The following DICER1 variants were observed in gnomAD, a reference collection of about 807,000 sequenced individuals.
The protein encoded by DICER1 is dicer 1, ribonuclease III.
Under a neutral mutation model 194.1 loss-of-function variants are expected in DICER1, and 43 were observed. That is an observed-to-expected ratio of 0.22 (90% CI 0.17 to 0.29). DICER1 has a LOEUF of 0.29. Among genes scored for constraint, DICER1 ranks in the 10% least tolerant of loss-of-function variants. DICER1 has a pLI of 1.00. For synonymous variants in DICER1, 832 were observed against 820.5 expected, an observed-to-expected ratio of 1.01 and a Z score of -0.24; for missense variants, 1,608 against 2,317.0, an observed-to-expected ratio of 0.69 and a Z score of 6.28.
In DICER1 at chr14:95,105,739, G is replaced by A. The variant is rs772243498; in HGVS notation, c.3032C>T (p.Ala1011Val). 77 of 1,614,046 alleles carry A rather than the reference G, an allele frequency of 4.8e-5. No individual in the cohort carries two copies. Among genetic ancestry groups the A allele is most frequent in the Non-Finnish European group, 6.2e-5 (73 of 1,180,022 alleles). Reference sequence around the variant, plus strand: ...CTTCTCAGCACTGCTTAAAGGAAGCGCTTTCCCCTTCTGATTCAAATGTCG... The same window carrying A: ...CTTCTCAGCACTGCTTAAAGGAAGCACTTTCCCCTTCTGATTCAAATGTCG... ...TPRHLNQKGK[A>V]LPLSSAEKRK... is the part of the protein sequence containing the mutation. The change falls in exon 19 of 27, where the codon GCG becomes GTG. Residue 1011 changes from alanine to valine, a missense_variant. By Grantham distance (64) the Ala-to-Val change is moderately conservative. This residue lies in a region of DICER1 where 79 missense variants were observed against 176.1 expected (regional missense o/e 0.45). Transcript: ENST00000343455. The surrounding 1 kb of genome is among the most constrained non-coding windows in gnomAD (Gnocchi z 4.9).
intron 1 of DICER1, among the ~76,000 whole-genome samples, chr14:95,155,318 C>T (rs1895777985): frequency 6.6e-6 from 1 of 152,212 alleles, no homozygotes; most frequent in African/African-American, 2.4e-5. Flanking sequence ...AAGTGAGAGA[C>T]TGTCTACGAA....
Position 95,091,370 on chromosome 14 carries a change from T to C in DICER1, c.5365-5A>G, listed in dbSNP as rs2139780112. 2 of 1,614,010 alleles carry C rather than the reference T, an allele frequency of 1.2e-6. No homozygotes were observed. The highest frequency in any genetic ancestry group is 1.7e-6 in the Non-Finnish European group (2 of 1,179,968). ...ATCCTCCTCAGATCTCCTAAGCTAT[T>C]ACAGAGGGAAAAGTGACTTGTAAGC... On this transcript the variant is annotated splice_polypyrimidine_tract_variant and splice_region_variant and intron_variant, in intron 24 of 26. Coordinates refer to ENST00000343455, the MANE Select transcript of DICER1 (RefSeq NM_177438.3).
In DICER1 at chr14:95,087,526, A is replaced by G; in HGVS notation, c.*2972T>C. 4.3e-6 allele frequency: 1 copy of G among 233,146 alleles called. No homozygotes were observed. Among genetic ancestry groups the G allele is most frequent in the East Asian group, 6.0e-5 (1 of 16,534 alleles). The allele number at this position is 233,146 out of a possible 1,614,324, so 14.4% of individuals were successfully genotyped here. A position where few individuals can be genotyped will look rare whatever the true frequency, so the allele number is the denominator to read the frequency against. ...AATTCCATAAATCAAAACAGCAGCA[A>G]GGCCAAACCACATTTTTTTCCTCTC... is the stretch of plus-strand genomic sequence containing the variant. On this transcript the variant is annotated 3_prime_UTR_variant, in exon 27 of 27. Coordinates refer to ENST00000343455, the MANE Select transcript of DICER1 (RefSeq NM_177438.3).
chr14:95,111,758 T>C (rs1384236719), intron 13 of DICER1, among the ~76,000 whole-genome samples: 1 of 149,418 alleles, frequency 6.7e-6, no homozygotes, highest in East Asian at 2.0e-4. Context: ...GGTCCACTTA[T>C]ACAGGAGCAG....
intron 23 of DICER1, 90 bp from the exon 24 acceptor site, chr14:95,094,246 T>G: frequency 6.7e-7 from 1 of 1,486,670 alleles, no homozygotes; most frequent in Non-Finnish European, 9.3e-7. Flanking sequence ...CGAAGAAGAT[T>G]TGTATTTACA....
Position 95,088,290 on chromosome 14 carries a change from T to C in DICER1, c.*2208A>G, listed in dbSNP as rs1889500385. ...AAGGTTACAAATATATTGAGGCATT[T>C]TTCTCCCACTGGGAATCATAACTGT... On this transcript the variant is annotated 3_prime_UTR_variant, in exon 27 of 27. Transcript: ENST00000343455. The C allele has an allele frequency of 1.7e-5, 4 of 232,108 alleles. No homozygotes were observed. Among genetic ancestry groups the C allele is most frequent in the Non-Finnish European group, 3.4e-5 (4 of 117,184 alleles). The allele number at this position is 232,108 out of a possible 1,614,324, so 14.4% of individuals were successfully genotyped here. A position where few individuals can be genotyped will look rare whatever the true frequency, so the allele number is the denominator to read the frequency against.
intron 1 of DICER1, among the ~76,000 whole-genome samples, chr14:95,143,182 C>CT (rs1442162941): frequency 3.3e-5 from 5 of 152,148 alleles, no homozygotes; most frequent in Non-Finnish European, 7.3e-5. Flanking sequence ...GTATGAAGCA[C>CT]TTTAAGTTCC....
chr14:95,097,445 A>C (rs1465084266), intron 22 of DICER1, among the ~76,000 whole-genome samples: 1 of 152,248 alleles, frequency 6.6e-6, no homozygotes, highest in East Asian at 1.9e-4. Context: ...AAATGGAAGA[A>C]AATTTAGACT....
At chr14:95,131,922 A>AG (rs1893985606) in intron 3 of DICER1, among the ~76,000 whole-genome samples, 2 of 152,188 alleles carry the variant, frequency 1.3e-5, no homozygotes, top group Non-Finnish European at 2.9e-5. Flanking sequence ...TGTTTTCTTC[A>AG]ATAAAATCAG....
In DICER1 at chr14:95,116,599, G is replaced by A. The variant is rs1007754435; in HGVS notation, c.1606C>T (p.Arg536Cys). ...CGATATTCTGTGGGCAAATCAAAAC[G>A]AACCACCAAGTTGCATTTTGGTATA... The part of the protein sequence containing the change: ...VDIPKCNLVV[R>C]FDLPTEYRSY... The change falls in exon 10 of 27, where the codon CGT (arginine) becomes TGT (cysteine). Residue 536 changes from arginine to cysteine, a missense_variant. Around this residue, in one of 10 missense-constraint regions of DICER1, gnomAD observed 657 missense variants for 910.1 expected, o/e 0.72. Coordinates refer to ENST00000343455, the MANE Select transcript of DICER1 (RefSeq NM_177438.3). 5 of 1,613,336 alleles carry A rather than the reference G, an allele frequency of 3.1e-6. No individual in the cohort carries two copies. Among genetic ancestry groups the A allele is most frequent in the African/African-American group, 1.3e-5 (1 of 74,696 alleles).
Position 95,129,455 on chromosome 14 carries a change from C to A in DICER1, c.734+17G>T. On this transcript the variant is annotated intron_variant, in intron 6 of 26. Coordinates refer to ENST00000343455, the MANE Select transcript of DICER1 (RefSeq NM_177438.3). ...TCAACTAATCTCATTAAAGCTGAGTCAATCAGAAGTGCATACCTGTCTAAG... is the reference window on the plus strand; with the variant it reads ...TCAACTAATCTCATTAAAGCTGAGTAAATCAGAAGTGCATACCTGTCTAAG... The A allele has an allele frequency of 6.2e-7, 1 of 1,612,320 alleles. No individual in the cohort carries two copies. The highest frequency in any genetic ancestry group is 1.1e-5 in the South Asian group (1 of 91,010).
intron 1 of DICER1, among the ~76,000 whole-genome samples, chr14:95,140,223 A>G (rs1027685995): frequency 3.3e-5 from 5 of 152,192 alleles, no homozygotes; most frequent in African/African-American, 1.2e-4. Context: ...TAGTTTCCAC[A>G]TATTATGCAC....
Position 95,157,501 on chromosome 14 carries a change from C to G in DICER1, c.-317G>C, listed in dbSNP as rs1262116230. On this transcript the variant is annotated 5_prime_UTR_variant, in exon 1 of 27. Transcript: ENST00000343455. ...GCAGCCAGCGCACGGCCCGCGGCAA[C>G]GGCGCACAGCCGCTTGGAGAATCCC... 6.6e-6 allele frequency: 1 copy of G among 152,302 alleles called. No homozygotes were observed. The highest frequency in any genetic ancestry group is 1.5e-5 in the Non-Finnish European group (1 of 68,120). The allele number at this position is 152,302 out of a possible 1,614,324, so 9.4% of individuals were successfully genotyped here.
chr14:95,125,730 GGGGAGGGGAGGAAGACA>G (rs1436846464), intron 7 of DICER1, among the ~76,000 whole-genome samples: 2 of 62,202 alleles, frequency 3.2e-5, no homozygotes, highest in Non-Finnish European at 6.6e-5. Flanking sequence ...GGAGGAAGAG[GGGGAGGGGAGGAAGACA>G]GGGAGGGGAG....
intron 6 of DICER1, 164 bp downstream of exon 6, chr14:95,129,308 C>CA (rs1893744180): frequency 1.6e-6 from 1 of 632,224 alleles, no homozygotes; most frequent in East Asian, 2.8e-5. Context: ...TTCTTGAACT[C>CA]ACAGGTAATG....
intron 11 of DICER1, among the ~76,000 whole-genome samples, chr14:95,114,904 C>G (rs1892302672): frequency 6.6e-6 from 1 of 152,122 alleles, no homozygotes; most frequent in African/African-American, 2.4e-5. Context: ...TATCTATCTT[C>G]CAAAGTTTCA....
intron 14 of DICER1, among the ~76,000 whole-genome samples, chr14:95,109,791 A>C (rs1291212834): frequency 6.6e-6 from 1 of 152,226 alleles, no homozygotes; most frequent in Non-Finnish European, 1.5e-5. Context: ...GTCCCCGCTT[A>C]TCTGCAGCCT....
At chr14:95,130,306 G>C in intron 4 of DICER1, 114 bp from the exon 5 acceptor site, 9 of 1,035,466 alleles carry the variant, frequency 8.7e-6, no homozygotes, top group Non-Finnish European at 1.3e-5. Flanking sequence ...GAATTCATTA[G>C]TCAAAATTAA....
chr14:95,116,799 GCTC>G (rs1197348831), intron 9 of DICER1, 104 bp from the exon 10 acceptor site: 1 of 1,167,396 alleles, frequency 8.6e-7, no homozygotes, highest in Non-Finnish European at 1.3e-6. Flanking sequence ...TGACACACAT[GCTC>G]TTGGGCATTC....
Sources: gnomAD v4.1 joint callset for allele counts (sites outside exome capture counted in the v4.1 genomes callset) on GRCh38, gnomAD v4.1.1 for gene constraint, gnomAD v4.1.1 regional missense constraint, Gnocchi (gnomAD v3.1) non-coding constraint, MANE v1.5 for transcripts, NCBI Gene and HGNC (gene_info 2026-07-23, HGNC 2026-07-21) for gene names.